ATRAID: variants seen among roughly 807,000 people sequenced by gnomAD.
ATRAID encodes the protein all-trans retinoic acid induced differentiation factor, also known as all-trans retinoic acid-induced differentiation factor.
A neutral mutation model predicts 28.8 loss-of-function variants in ATRAID; 26 were observed. That is an observed-to-expected ratio of 0.90 (90% CI 0.66 to 1.25). The LOEUF (loss-of-function observed/expected upper bound fraction) is 1.25. ATRAID is among the 50% of genes most tolerant of loss of function. The pLI is 0.00. For synonymous variants in ATRAID, 131 were observed against 108.5 expected (o/e 1.21, Z -1.29); for missense variants, 308 against 285.9 (o/e 1.08, Z -0.56).
Position 27,213,157 on chromosome 2 carries a change from T to C in ATRAID, c.100-20T>C. 2 of 1,606,644 alleles carry C rather than the reference T, an allele frequency of 1.2e-6. No individual in the cohort carries two copies. Among genetic ancestry groups the C allele is most frequent in the East Asian group, 4.5e-5 (2 of 44,658 alleles). Reference sequence around the variant, plus strand: ...TTGGCTTTTCTTTCTGGAGTTCTAATGTTTCTTTCTCTTCTGCAGATATGC... The same window carrying C: ...TTGGCTTTTCTTTCTGGAGTTCTAACGTTTCTTTCTCTTCTGCAGATATGC... On this transcript the variant is annotated intron_variant, in intron 1 of 6. Coordinates refer to ENST00000380171, the MANE Select transcript of ATRAID (RefSeq NM_001170795.4).
chr2:27,213,991 G>A (rs972523487), intron 2 of ATRAID, among the ~76,000 whole-genome samples: 8 of 152,106 alleles, frequency 5.3e-5, no homozygotes, highest in African/African-American at 9.7e-5. Flanking sequence ...TGTTGCCCAG[G>A]CTGGAATGCA....
At position 27,216,990 on chromosome 2, in the gene ATRAID, A is replaced by G; in HGVS notation, c.*42A>G. On this transcript the variant is annotated 3_prime_UTR_variant, in exon 7 of 7. Transcript: ENST00000380171. The stretch of plus-strand genomic sequence containing the variant: ...CATTGACCTAAGATCAATCTGAACT[A>G]TCTTAGCCCAGTCAGGGAGCTCTGC... 6.6e-7 allele frequency: 1 copy of G among 1,509,414 alleles called. No homozygotes were observed. Among genetic ancestry groups the G allele is most frequent in the Non-Finnish European group, 9.1e-7 (1 of 1,102,346 alleles). 93.5% of individuals were successfully genotyped at this position (1,509,414 alleles called of 1,614,324 possible). A position where few individuals can be genotyped will look rare whatever the true frequency, so the allele number is the denominator to read the frequency against.
At chr2:27,213,471 A>G in intron 2 of ATRAID, 173 bp downstream of exon 2, 1 of 752,990 alleles carries the variant, frequency 1.3e-6, no homozygotes. Context: ...TCCACACTCC[A>G]GGTACATACG....
In ATRAID at chr2:27,212,087, C is replaced by G. The variant is rs1674574424; in HGVS notation, c.-282C>G. On this transcript the variant is annotated 5_prime_UTR_variant, in exon 1 of 7. Transcript: ENST00000380171. ...CTCGGCGTCCGGACGCGGGGAACAC[C>G]GGGCTGAGGGAGTCTGCAGTCGGCT... The G allele has an allele frequency of 1.5e-6, 2 of 1,366,984 alleles. No homozygotes were observed. The highest frequency in any genetic ancestry group is 9.7e-7 in the Non-Finnish European group (1 of 1,030,044). The allele number at this position is 1,366,984 out of a possible 1,614,324, so 84.7% of individuals were successfully genotyped here.
chr2:27,215,262 G>A, intron 2 of ATRAID, 59 bp from the exon 3 acceptor site: 3 of 1,545,300 alleles, frequency 1.9e-6, no homozygotes, highest in Non-Finnish European at 2.7e-6. Flanking sequence ...AATACAAACT[G>A]TGCCGTGGCT....
rs539457076 is a variant in ATRAID at position 27,213,628 on chromosome 2, A to G, written c.221+330A>G. Among the ~76,000 whole-genome samples the G allele has an allele frequency of 2.0e-5, 3 of 152,292 alleles. 1 individual carries two copies. Among genetic ancestry groups the G allele is most frequent in the East Asian group, 3.9e-4 (2 of 5,188 alleles). ...AGCTTTTAGAAAACCAACATTTTCC[A>G]TTATCACTCTCTTGCTTTAATACTA... On this transcript the variant is annotated intron_variant, in intron 2 of 6. Transcript: ENST00000380171.
rs774832372 is a variant in ATRAID at position 27,215,521 on chromosome 2, G to A, written c.341G>A (p.Arg114His). The change falls in exon 4 of 7, where the codon CGT (arginine) becomes CAT (histidine). Residue 114 changes from arginine to histidine, a missense_variant. Coordinates refer to ENST00000380171, the MANE Select transcript of ATRAID (RefSeq NM_001170795.4). ...AAAGGTGACTTGGCCAACACCTTCC[G>A]TGGCTTTACTCAGCTCCAGACTCTG... ...PLKGDLANTF[R>H]GFTQLQTLIL... 35 of 1,614,108 alleles carry A rather than the reference G, an allele frequency of 2.2e-5. No homozygotes were observed. In the Admixed American group the frequency reaches 2.8e-4, roughly 13 times the overall value.
chr2:27,212,319 G>C lies in ATRAID; in HGVS notation c.-50G>C, dbSNP rs1293023870. On this transcript the variant is annotated 5_prime_UTR_variant, in exon 1 of 7. Transcript: ENST00000380171. ...AGAGGGCCTGACGCGCTGCGGGGCGGGGCCGCGGGGCCGGGTCGCGCGAGC... is the reference window on the plus strand; with the variant it reads ...AGAGGGCCTGACGCGCTGCGGGGCGCGGCCGCGGGGCCGGGTCGCGCGAGC... 3 of 1,549,260 alleles carry C rather than the reference G, an allele frequency of 1.9e-6. No individual in the cohort carries two copies. Among genetic ancestry groups the C allele is most frequent in the South Asian group, 1.2e-5 (1 of 84,000 alleles).
intron 2 of ATRAID, among the ~76,000 whole-genome samples, chr2:27,214,734 C>G (rs1674758087): frequency 6.6e-6 from 1 of 152,214 alleles, no homozygotes; most frequent in Non-Finnish European, 1.5e-5. Context: ...TGCCTATAAT[C>G]TCAGCTACTC....
Position 27,213,299 on chromosome 2 carries a change from G to T in ATRAID, c.221+1G>T. On this transcript the variant is annotated splice_donor_variant, in intron 2 of 6. Transcript: ENST00000380171. LOFTEE classifies it high-confidence loss of function. ...TGAATCAGAAGGGCACCATCTTGGG[G>T]TGAGGGGAAGACATCCCTAGATGCT... 1.9e-6 allele frequency: 3 copies of T among 1,613,100 alleles called. No homozygotes were observed. The highest frequency in any genetic ancestry group is 1.1e-5 in the South Asian group (1 of 91,078).
chr2:27,214,966 TTAATTTTCTTCTATAG>T (rs1674765876), intron 2 of ATRAID, among the ~76,000 whole-genome samples: 1 of 152,230 alleles, frequency 6.6e-6, no homozygotes, highest in African/African-American at 2.4e-5. Flanking sequence ...TTAGGTTAAA[TTAATTTTCTTCTATAG>T]AGTCAGGGTC....
In ATRAID at chr2:27,212,234, GA is replaced by G. The variant is rs867390981; in HGVS notation, c.-131del. On this transcript the variant is annotated 5_prime_UTR_variant, in exon 1 of 7. The change creates a premature stop within an existing upstream ORF in the 5' untranslated region. Coordinates refer to ENST00000380171, the MANE Select transcript of ATRAID (RefSeq NM_001170795.4). ...GACCAGCGCAGAGCTCCACGAGCAGGAAAAGCCCCCAAGCAGCCCCAGGGCG... is the reference window on the plus strand; with the variant it reads ...GACCAGCGCAGAGCTCCACGAGCAGGAAAGCCCCCAAGCAGCCCCAGGGCG... 3 of 1,561,366 alleles carry G rather than the reference GA, an allele frequency of 1.9e-6. No homozygotes were observed. Among genetic ancestry groups the G allele is most frequent in the Non-Finnish European group, 2.6e-6 (3 of 1,153,250 alleles).
At chr2:27,216,247 A>T (rs528228565) in intron 5 of ATRAID, 20 of 419,868 alleles carry the variant, frequency 4.8e-5, no homozygotes, top group Non-Finnish European at 7.9e-5. Context: ...ACAAATCACA[A>T]TGGTGGAATG....
At position 27,213,224 on chromosome 2, in the gene ATRAID, C is replaced by T; in HGVS notation, c.147C>T (p.Ala49=). Residue 49 remains alanine, a synonymous_variant, in exon 2 of 7, where the codon GCC becomes GCT. Transcript: ENST00000380171. The part of the protein sequence containing the change: ...PGSVQNLSKV[A]FYCKTTRELM... The stretch of plus-strand genomic sequence containing the variant: ...GCGTGCAAAATTTGTCAAAAGTGGC[C>T]TTTTATTGTAAAACGACACGAGAGC... The T allele has an allele frequency of 6.2e-7, 1 of 1,614,126 alleles. No individual in the cohort carries two copies. Among genetic ancestry groups the T allele is most frequent in the African/African-American group, 1.3e-5 (1 of 75,004 alleles).
chr2:27,215,715 A>C lies in ATRAID; in HGVS notation c.449A>C (p.Gln150Pro). Reference protein sequence around the residue: ...ITSYIDNQICQGQKNLCNNTG... With the variant: ...ITSYIDNQICPGQKNLCNNTG... ...TCTTATATAGACAACCAAATCTGTC[A>C]AGGGCAAAAGAACCTTTGCAATAAC... Residue 150 changes from glutamine to proline, a missense_variant, in exon 5 of 7, where the codon CAA (glutamine) becomes CCA (proline). Coordinates refer to ENST00000380171, the MANE Select transcript of ATRAID (RefSeq NM_001170795.4). 6.2e-7 allele frequency: 1 copy of C among 1,614,226 alleles called. No individual in the cohort carries two copies. Among genetic ancestry groups the C allele is most frequent in the Non-Finnish European group, 8.5e-7 (1 of 1,180,042 alleles).
chr2:27,212,227 C>G lies in ATRAID; in HGVS notation c.-142C>G. On this transcript the variant is annotated 5_prime_UTR_variant, in exon 1 of 7. Transcript: ENST00000380171. ...GCATGAAGACCAGCGCAGAGCTCCACGAGCAGGAAAAGCCCCCAAGCAGCC... is the reference window on the plus strand; with the variant it reads ...GCATGAAGACCAGCGCAGAGCTCCAGGAGCAGGAAAAGCCCCCAAGCAGCC... 3 of 1,560,570 alleles carry G rather than the reference C, an allele frequency of 1.9e-6. No homozygotes were observed. The highest frequency in any genetic ancestry group is 8.7e-7 in the Non-Finnish European group (1 of 1,152,778).
At chr2:27,216,406 C>CT in intron 5 of ATRAID, 117 bp from the exon 6 acceptor site, 1 of 865,072 alleles carries the variant, frequency 1.2e-6, no homozygotes, top group South Asian at 1.5e-5. Flanking sequence ...CTGTAATTTT[C>CT]TTTCTTCTTC....
chr2:27,213,047 C>T, intron 1 of ATRAID, 130 bp from the exon 2 acceptor site: 2 of 1,164,748 alleles, frequency 1.7e-6, no homozygotes, highest in Non-Finnish European at 2.4e-6. Context: ...GGACACGAGC[C>T]GTTTATCCAT....
intron 2 of ATRAID, 61 bp downstream of exon 2, chr2:27,213,359 T>TA: frequency 6.4e-7 from 1 of 1,555,670 alleles, no homozygotes; most frequent in Non-Finnish European, 8.7e-7. Context: ...GCTGCTTTTA[T>TA]ACCCTTATAT....
Sources: allele counts gnomAD v4.1 joint callset (sites outside exome capture counted in the v4.1 genomes callset), GRCh38; gene constraint gnomAD v4.1.1; transcripts MANE v1.5; gene names NCBI Gene and HGNC (gene_info 2026-07-23, HGNC 2026-07-21).